Variants in RASSF5 observed in about 807,000 individuals in gnomAD.
The protein encoded by RASSF5 is Ras association domain family member 5, also known as ras association domain-containing protein 5.
In RASSF5, 25 loss-of-function variants were observed where a neutral mutation model predicts 40.5. The ratio of observed to expected loss-of-function variants is 0.62; its 90% confidence interval spans 0.45 to 0.86. RASSF5 has a LOEUF of 0.86. RASSF5 is among the 40% of genes least tolerant of loss of function. The pLI, the probability that RASSF5 is intolerant of heterozygous loss-of-function variation, is 0.00. For synonymous variants in RASSF5, 246 were observed against 252.4 expected, an observed-to-expected ratio of 0.97 and a Z score of 0.24; for missense variants, 521 against 572.8, an observed-to-expected ratio of 0.91 and a Z score of 0.92.
At chr1:206,551,285 G>A (rs1667833766) in intron 2 of RASSF5, among the ~76,000 whole-genome samples, 1 of 152,138 alleles carries the variant, frequency 6.6e-6, no homozygotes. Context: ...GAAGCTAATG[G>A]CTGCTCCCAG....
At chr1:206,509,814 C>G (rs1284200856) in intron 1 of RASSF5, among the ~76,000 whole-genome samples, 5 of 151,516 alleles carry the variant, frequency 3.3e-5, no homozygotes, top group Non-Finnish European at 7.4e-5. Context: ...ATGAATTGAT[C>G]CTTACGTCAC....
At chr1:206,557,194 C>T in intron 2 of RASSF5, 1 of 1,035,074 alleles carries the variant, frequency 9.7e-7, no homozygotes, top group Non-Finnish European at 1.2e-6. Context: ...GCAGGAAAGG[C>T]GCGGGAGGCG....
intron 1 of RASSF5, among the ~76,000 whole-genome samples, chr1:206,523,762 A>T (rs1244300780): frequency 9.9e-6 from 1 of 100,580 alleles, no homozygotes; most frequent in African/African-American, 4.2e-5. Context: ...AATATACATA[A>T]TATATTTTAT....
intron 2 of RASSF5, among the ~76,000 whole-genome samples, chr1:206,561,263 C>T (rs1668131557): frequency 6.6e-6 from 1 of 152,194 alleles, no homozygotes; most frequent in African/African-American, 2.4e-5. Flanking sequence ...GGACTAACAC[C>T]CCTCCAGGAC....
intron 2 of RASSF5, chr1:206,557,192 G>T: frequency 9.7e-7 from 1 of 1,034,586 alleles, no homozygotes; most frequent in Non-Finnish European, 1.2e-6. Context: ...GGGCAGGAAA[G>T]GCGCGGGAGG....
intron 2 of RASSF5, among the ~76,000 whole-genome samples, chr1:206,540,859 G>T (rs1266173839): frequency 6.6e-6 from 1 of 152,038 alleles, no homozygotes; most frequent in Admixed American, 6.6e-5. Flanking sequence ...TATGGCTTAG[G>T]GGGGTCTCGT....
chr1:206,568,759 T>C (rs1553403753), intron 2 of RASSF5, among the ~76,000 whole-genome samples: 2 of 152,230 alleles, frequency 1.3e-5, no homozygotes, highest in African/African-American at 2.4e-5. Flanking sequence ...TGAGTTTCAC[T>C]CTTTGGCTCT....
intron 2 of RASSF5, among the ~76,000 whole-genome samples, chr1:206,546,883 T>C (rs1667707564): frequency 6.6e-6 from 1 of 152,214 alleles, no homozygotes. Flanking sequence ...AGTTGAGAAA[T>C]CATAAGTAGG....
rs1669242769 is a variant in RASSF5, at chr1:206,588,855, T to A, written c.*1877T>A. 1 of 152,702 alleles carries A rather than the reference T, an allele frequency of 6.5e-6. No individual in the cohort carries two copies. Among genetic ancestry groups the A allele is most frequent in the Non-Finnish European group, 1.5e-5 (1 of 68,016 alleles). 9.5% of individuals were successfully genotyped at this position (152,702 alleles called of 1,614,324 possible). The stretch of plus-strand genomic sequence containing the variant: ...GTCATTTTCCTTCGTCCTGCATGTC[T>A]CTAACATTAATAGAAGGCATGGCTC... On this transcript the variant is annotated 3_prime_UTR_variant, in exon 6 of 6. Coordinates refer to ENST00000579436, the MANE Select transcript of RASSF5 (RefSeq NM_182663.4).
intron 2 of RASSF5, among the ~76,000 whole-genome samples, chr1:206,559,910 C>T (rs1440312651): frequency 2.6e-5 from 4 of 152,104 alleles, no homozygotes; most frequent in Admixed American, 6.5e-5. Flanking sequence ...GAGCTGGGGA[C>T]GCGTCCTCCA....
At chr1:206,512,798 G>A (rs569850197) in intron 1 of RASSF5, among the ~76,000 whole-genome samples, 11 of 152,360 alleles carry the variant, frequency 7.2e-5, no homozygotes, top group African/African-American at 2.2e-4. Flanking sequence ...CCGCAAGGCC[G>A]AACCCAGGTC....
In RASSF5 at chr1:206,557,763, A is replaced by C. The variant is rs535225587; in HGVS notation, c.579+19470A>C. On this transcript the variant is annotated intron_variant, in intron 2 of 5. Transcript: ENST00000579436. ...AACCTCTGTGGTCAATCTAGAAGGG[A>C]AACCTTGCTCCCAGCAAAGGGACAA... 624 of 1,545,712 alleles carry C rather than the reference A, an allele frequency of 4.0e-4. No individual in the cohort carries two copies. In the African/African-American group the frequency reaches 7.4e-3, roughly 18 times the overall value.
intron 1 of RASSF5, among the ~76,000 whole-genome samples, chr1:206,522,115 T>TTC (rs148395288): frequency 1.3e-5 from 2 of 151,856 alleles, no homozygotes; most frequent in Non-Finnish European, 2.9e-5. Flanking sequence ...TTACTGAGCT[T>TTC]TCTCTCTCTC....
rs113214764 is a variant in RASSF5, at chr1:206,587,228, G to A, written c.*250G>A. On this transcript the variant is annotated 3_prime_UTR_variant, in exon 6 of 6. Coordinates refer to ENST00000579436, the MANE Select transcript of RASSF5 (RefSeq NM_182663.4). ...AACTCATGTGAAACAAACAGCTGAC[G>A]TCCTCTCTCGATCTGCAAGCCTTTC... 7 of 452,866 alleles carry A rather than the reference G, an allele frequency of 1.5e-5. No homozygotes were observed. The highest frequency in any genetic ancestry group is 6.0e-5 in the African/African-American group (3 of 50,274). 28.1% of individuals were successfully genotyped at this position (452,866 alleles called of 1,614,324 possible). A position where few individuals can be genotyped will look rare whatever the true frequency, so the allele number is the denominator to read the frequency against.
At chr1:206,578,761 C>T (rs2103562765) in intron 2 of RASSF5, among the ~76,000 whole-genome samples, 1 of 152,244 alleles carries the variant, frequency 6.6e-6, no homozygotes, top group East Asian at 1.9e-4. Context: ...TCCTGGGTGC[C>T]CTGGGCCCAC....
At chr1:206,526,381 C>G (rs969617735) in intron 1 of RASSF5, among the ~76,000 whole-genome samples, 1 of 151,744 alleles carries the variant, frequency 6.6e-6, no homozygotes, top group Non-Finnish European at 1.5e-5. Flanking sequence ...CTGAATGCCC[C>G]CAGGGTGGTC....
At chr1:206,548,520 C>T (rs1440291116) in intron 2 of RASSF5, among the ~76,000 whole-genome samples, 1 of 152,168 alleles carries the variant, frequency 6.6e-6, no homozygotes, top group Non-Finnish European at 1.5e-5. Flanking sequence ...CTAGACACCT[C>T]CCGCCAGGCC....
intron 1 of RASSF5, among the ~76,000 whole-genome samples, chr1:206,519,550 G>A (rs1553395809): frequency 6.6e-6 from 1 of 152,208 alleles, no homozygotes; most frequent in Non-Finnish European, 1.5e-5. Flanking sequence ...GCTGGGTCTG[G>A]AACCTGCTTC....
At chr1:206,550,888 C>G (rs1412978605) in intron 2 of RASSF5, among the ~76,000 whole-genome samples, 1 of 152,200 alleles carries the variant, frequency 6.6e-6, no homozygotes, top group Non-Finnish European at 1.5e-5. Flanking sequence ...CACACAGGCA[C>G]AAATCCATGT....
Sources: gnomAD v4.1 joint callset for allele counts (sites outside exome capture counted in the v4.1 genomes callset) on GRCh38, gnomAD v4.1.1 for gene constraint, MANE v1.5 for transcripts, NCBI Gene and HGNC (gene_info 2026-07-23, HGNC 2026-07-21) for gene names.